Variants in RPN2 observed in about 807,000 individuals in gnomAD.
RPN2 encodes dolichyl-diphosphooligosaccharide--protein glycosyltransferase subunit 2.
In RPN2, 29 loss-of-function variants were observed where a neutral mutation model predicts 71.4. The observed-to-expected ratio is 0.41, with a 90% CI of 0.30 to 0.55. RPN2 has a LOEUF of 0.55. RPN2 is among the 20% of genes least tolerant of loss of function. The pLI is 0.35. For synonymous variants in RPN2, 308 were observed against 305.0 expected (o/e 1.01, Z -0.10); for missense variants, 726 against 774.1 (o/e 0.94, Z 0.74).
chr20:37,218,762 T>TA (rs749751404), intron 9 of RPN2, among the ~76,000 whole-genome samples: 6 of 152,212 alleles, frequency 3.9e-5, no homozygotes, highest in Non-Finnish European at 8.8e-5. Flanking sequence ...AATGAAATCA[T>TA]ACAATAGGTT....
chr20:37,186,955 T>G (rs1016052760), intron 2 of RPN2, among the ~76,000 whole-genome samples: 5 of 152,240 alleles, frequency 3.3e-5, no homozygotes, highest in Middle Eastern at 3.2e-3. Context: ...CTAAATTATA[T>G]TCAGGGTTGG....
chr20:37,201,586 G>A (rs765081930), intron 4 of RPN2, among the ~76,000 whole-genome samples: 5 of 152,194 alleles, frequency 3.3e-5, no homozygotes, highest in Non-Finnish European at 5.9e-5. Flanking sequence ...ACGCTTTGGA[G>A]CAGAAAGAAC....
rs569768437 is a variant in RPN2, at chr20:37,212,734, G to A, written c.987-1026G>A. Among the ~76,000 whole-genome samples, 5 of 152,224 alleles carry A rather than the reference G, an allele frequency of 3.3e-5. No homozygotes were observed. The South Asian group carries it at 1.0e-3, about 32-fold the overall frequency. ...GACCTAAAGTGACCCGCCTGCCTTG[G>A]CCTCCGAAAGGGCCAGGATTACAGG... On this transcript the variant is annotated intron_variant, in intron 8 of 16. Transcript: ENST00000237530.
At chr20:37,182,771 T>C (rs541156150) in intron 1 of RPN2, among the ~76,000 whole-genome samples, 1 of 152,300 alleles carries the variant, frequency 6.6e-6, no homozygotes, top group Non-Finnish European at 1.5e-5. Context: ...CCACTCATGT[T>C]AGCCTAGTGA....
At chr20:37,233,967 G>T in intron 14 of RPN2, 53 bp from the exon 15 acceptor site, 1 of 1,591,078 alleles carries the variant, frequency 6.3e-7, no homozygotes. Context: ...GGCTTGTGTT[G>T]CTTCCCTTTT....
At chr20:37,237,316 G>A (rs1417948080) in intron 16 of RPN2, among the ~76,000 whole-genome samples, 1 of 152,200 alleles carries the variant, frequency 6.6e-6, no homozygotes, top group Non-Finnish European at 1.5e-5. Context: ...AACAGAATTG[G>A]AGGCAAATTT....
intron 13 of RPN2, among the ~76,000 whole-genome samples, chr20:37,230,364 C>G (rs2068206391): frequency 6.6e-6 from 1 of 152,182 alleles, no homozygotes; most frequent in Non-Finnish European, 1.5e-5. Flanking sequence ...GCAGATGGTT[C>G]TAGCGTTTAT....
At chr20:37,184,521 G>A in intron 2 of RPN2, 148 bp downstream of exon 2, 1 of 794,446 alleles carries the variant, frequency 1.3e-6, no homozygotes, top group Non-Finnish European at 2.1e-6. Flanking sequence ...GGCCAGGCGT[G>A]GTGACTCACG....
chr20:37,218,342 G>T (rs1353101842), intron 9 of RPN2, among the ~76,000 whole-genome samples: 2 of 143,820 alleles, frequency 1.4e-5, no homozygotes, highest in African/African-American at 2.6e-5. Context: ...GAGCCCAGGA[G>T]TTTGAGGCTG....
At chr20:37,195,749 A>G (rs962385164) in intron 2 of RPN2, among the ~76,000 whole-genome samples, 2 of 152,072 alleles carry the variant, frequency 1.3e-5, no homozygotes, top group Non-Finnish European at 2.9e-5. Context: ...CAAAGCACAC[A>G]TTTTCAGCTG....
At position 37,238,465 on chromosome 20, in the gene RPN2, G is replaced by A. The variant is rs368238858; in HGVS notation, c.1883+1756G>A. 2.0e-4 allele frequency: 316 copies of A among 1,585,854 alleles called. 7 individuals are homozygous for A. The South Asian group carries it at 3.1e-3, about 16-fold the overall frequency. ...GGACACTACGGTAAAGATGAAGGGC[G>A]GACTCATCCCAGAAGCAGGGTCCCT... On this transcript the variant is annotated intron_variant, in intron 16 of 16. Coordinates refer to ENST00000237530, the MANE Select transcript of RPN2 (RefSeq NM_002951.5).
chr20:37,194,911 A>C (rs904895285), intron 2 of RPN2, among the ~76,000 whole-genome samples: 2 of 152,072 alleles, frequency 1.3e-5, no homozygotes, highest in Non-Finnish European at 1.5e-5. Flanking sequence ...TTATGGAGGA[A>C]ATAGGGGAGG....
At chr20:37,213,932 G>A in intron 9 of RPN2, 67 bp downstream of exon 9, 1 of 1,151,738 alleles carries the variant, frequency 8.7e-7, no homozygotes, top group Non-Finnish European at 1.3e-6. Flanking sequence ...AATTGACACA[G>A]TATTAATTGT....
intron 7 of RPN2, among the ~76,000 whole-genome samples, chr20:37,209,624 C>T (rs1013020784): frequency 1.3e-5 from 2 of 152,036 alleles, no homozygotes; most frequent in African/African-American, 4.8e-5. Flanking sequence ...CCACCATGCC[C>T]AGCTAATTTT....
chr20:37,213,652 AG>A, intron 8 of RPN2, 107 bp from the exon 9 acceptor site: 1 of 832,744 alleles, frequency 1.2e-6, no homozygotes, highest in Middle Eastern at 2.2e-4. Flanking sequence ...AAAGGTAAGG[AG>A]TTGGCTAGCC....
At chr20:37,213,725 T>G in intron 8 of RPN2, 35 bp from the exon 9 acceptor site, 1 of 1,498,478 alleles carries the variant, frequency 6.7e-7, no homozygotes, top group Non-Finnish European at 9.3e-7. Context: ...CTTTCCTACC[T>G]GAGTTCTTGC....
At chr20:37,224,389 T>C (rs567214330) in intron 10 of RPN2, among the ~76,000 whole-genome samples, 18 of 152,324 alleles carry the variant, frequency 1.2e-4, no homozygotes, top group African/African-American at 4.3e-4. Context: ...TGAATTTGCT[T>C]TTAGTGACCT....
In RPN2 at chr20:37,234,105, C is replaced by T. The variant is rs1355773924; in HGVS notation, c.1753+10C>T. The stretch of plus-strand genomic sequence containing the variant: ...CACCTGGGACATGCTGGTAAGTGCC[C>T]CAGGCTGCTAATTACCTGTAACGTC... On this transcript the variant is annotated intron_variant, in intron 15 of 16. Transcript: ENST00000237530. The T allele has an allele frequency of 1.2e-6, 2 of 1,613,646 alleles. No homozygotes were observed. Among genetic ancestry groups the T allele is most frequent in the Non-Finnish European group, 8.5e-7 (1 of 1,179,820 alleles).
At chr20:37,215,889 A>G (rs2067793081) in intron 9 of RPN2, among the ~76,000 whole-genome samples, 1 of 152,028 alleles carries the variant, frequency 6.6e-6, no homozygotes, top group Non-Finnish European at 1.5e-5. Context: ...GAATTGTTTT[A>G]TATCTTTGCC....
Sources: allele counts gnomAD v4.1 joint callset (sites outside exome capture counted in the v4.1 genomes callset), GRCh38; gene constraint gnomAD v4.1.1; transcripts MANE v1.5; gene names NCBI Gene and HGNC (gene_info 2026-07-23, HGNC 2026-07-21).